EPB41L3: variants seen among roughly 807,000 people sequenced by gnomAD.
EPB41L3 encodes the protein band 4.1-like protein 3.
A neutral mutation model predicts 127.1 loss-of-function variants in EPB41L3; 57 were observed. That is an observed-to-expected ratio of 0.45 (90% CI 0.36 to 0.56). The LOEUF is 0.56. Among genes scored for constraint, EPB41L3 ranks in the 20% least tolerant of loss-of-function variants. EPB41L3 has a pLI of 0.00. For missense variants in EPB41L3, 1,273 were observed against 1,372.2 expected (o/e 0.93, Z 1.14); for synonymous variants, 572 against 549.5 (o/e 1.04, Z -0.57).
intron 3 of EPB41L3, among the ~76,000 whole-genome samples, chr18:5,448,209 T>C (rs1206187260): frequency 2.0e-5 from 3 of 152,218 alleles, no homozygotes; most frequent in Non-Finnish European, 4.4e-5. Flanking sequence ...TCTCTCCCAT[T>C]GCACCCAGAT....
chr18:5,570,598 T>A (rs1333941283), intron 3 of EPB41L3, among the ~76,000 whole-genome samples: 1 of 152,074 alleles, frequency 6.6e-6, no homozygotes, highest in Non-Finnish European at 1.5e-5. Context: ...TTATTTTACT[T>A]TATTTAATTT....
Position 5,489,095 on chromosome 18 carries a change from C to A in EPB41L3, c.89G>T (p.Gly30Val). The change falls in exon 2 of 23, where the codon GGG (glycine) becomes GTG (valine). Residue 30 changes from glycine (G) to valine (V), a missense_variant. Around this residue, in one of 3 missense-constraint regions of EPB41L3, gnomAD observed 182 missense variants for 149.2 expected, o/e 1.22. Coordinates refer to ENST00000341928, the MANE Select transcript of EPB41L3 (RefSeq NM_012307.5). ...CTTGGGCGGCTCCGGCACGGGCGCC[C>A]CCGCGCGCCCCTGCGCCCCCGCCGC... is the stretch of plus-strand genomic sequence containing the variant. ...QEAAGAQGRA[G>V]APVPEPPKEE... The A allele has an allele frequency of 6.3e-7, 1 of 1,593,870 alleles. No homozygotes were observed. The highest frequency in any genetic ancestry group is 8.5e-7 in the Non-Finnish European group (1 of 1,174,064).
rs1430336922 is a variant in EPB41L3, at chr18:5,397,605, C to T, written c.2473-179G>A. Among the ~76,000 whole-genome samples, 1 of 152,164 alleles carries T rather than the reference C, an allele frequency of 6.6e-6. No individual in the cohort carries two copies. The highest frequency in any genetic ancestry group is 2.4e-5 in the African/African-American group (1 of 41,440). On this transcript the variant is annotated intron_variant, in intron 17 of 22. Transcript: ENST00000341928. This position sits in a 1 kb window ranked among gnomAD's most constrained non-coding sequence, Gnocchi z 4.1. ...CCCACTGAAATCTCTGATGCCTGCC[C>T]CTGCCCCTGGTGCATGCACTTGAAC... is the stretch of plus-strand genomic sequence containing the variant.
At chr18:5,469,477 G>A (rs2085680094) in intron 3 of EPB41L3, among the ~76,000 whole-genome samples, 1 of 152,122 alleles carries the variant, frequency 6.6e-6, no homozygotes. Flanking sequence ...CTGGCTGTGT[G>A]TAGTGGCTGG....
At chr18:5,512,478 GAACTC>G (rs2092574102) in intron 1 of EPB41L3, among the ~76,000 whole-genome samples, 1 of 152,152 alleles carries the variant, frequency 6.6e-6, no homozygotes, top group African/African-American at 2.4e-5. Context: ...ACCGCAAAGG[GAACTC>G]ATCAATGCAC....
intron 1 of EPB41L3, chr18:5,528,810 C>G (rs1233360842): frequency 6.6e-6 from 1 of 152,092 alleles, no homozygotes; most frequent in Non-Finnish European, 1.5e-5. Flanking sequence ...GTTGGCCAGG[C>G]TGGTCTTGAA....
chr18:5,472,247 T>A (rs188610614), intron 3 of EPB41L3, among the ~76,000 whole-genome samples: 155 of 152,318 alleles, frequency 1.0e-3, no homozygotes, highest in African/African-American at 3.7e-3. Context: ...ATTGTGTAAA[T>A]GAGACATTGC....
intron 3 of EPB41L3, among the ~76,000 whole-genome samples, chr18:5,448,187 G>T (rs2081797956): frequency 2.0e-5 from 3 of 152,106 alleles, no homozygotes; most frequent in Admixed American, 2.0e-4. Context: ...AACCACTAAT[G>T]GATTGAGGCA....
intron 15 of EPB41L3, 185 bp from the exon 16 acceptor site, chr18:5,407,153 A>G (rs1013639568): frequency 3.3e-6 from 2 of 597,704 alleles, no homozygotes; most frequent in Non-Finnish European, 5.8e-6. Context: ...TGGAAAGGAA[A>G]CAGAAAAAAA....
intron 6 of EPB41L3, among the ~76,000 whole-genome samples, chr18:5,434,578 C>G (rs1027918288): frequency 3.9e-5 from 6 of 152,088 alleles, no homozygotes; most frequent in Non-Finnish European, 7.4e-5. Flanking sequence ...AGATGGTGGT[C>G]CCATGAGATT....
chr18:5,479,237 T>C (rs1183260384), intron 2 of EPB41L3, among the ~76,000 whole-genome samples: 4 of 152,222 alleles, frequency 2.6e-5, no homozygotes, highest in African/African-American at 9.6e-5. Flanking sequence ...ACCTATTAAA[T>C]GGCCACCAAT....
chr18:5,613,708 C>T (rs148248833), intron 2 of EPB41L3, among the ~76,000 whole-genome samples: 2 of 152,168 alleles, frequency 1.3e-5, no homozygotes, highest in African/African-American at 4.8e-5. Flanking sequence ...TGATATCTCA[C>T]CCTCAGTTTC....
chr18:5,478,577 T>A, intron 2 of EPB41L3, 139 bp from the exon 3 acceptor site: 1 of 703,026 alleles, frequency 1.4e-6, no homozygotes, highest in Non-Finnish European at 2.3e-6. Context: ...GATATAAATA[T>A]ACAGATATTT....
In EPB41L3 at chr18:5,407,692, A is replaced by T. The variant is rs752152351; in HGVS notation, c.2157+9T>A. ...GTTGTTGTTGTTTGTTTTATTTTTA[A>T]TTTTCTACCTGTGCCTTGAGCTCTG... On this transcript the variant is annotated intron_variant, in intron 15 of 22. Transcript: ENST00000341928. 1.2e-6 allele frequency: 2 copies of T among 1,613,592 alleles called. No individual in the cohort carries two copies. Among genetic ancestry groups the T allele is most frequent in the Non-Finnish European group, 1.7e-6 (2 of 1,179,780 alleles).
intron 1 of EPB41L3, among the ~76,000 whole-genome samples, chr18:5,490,824 T>C (rs1189545212): frequency 6.6e-6 from 1 of 152,162 alleles, no homozygotes; most frequent in African/African-American, 2.4e-5. Flanking sequence ...TCAAACTCCA[T>C]CTTTTGGAAG....
Position 5,394,777 on chromosome 18 carries a change from A to C in EPB41L3, c.3170T>G (p.Ile1057Ser). The C allele has an allele frequency of 1.9e-6, 3 of 1,614,126 alleles. No homozygotes were observed. Among genetic ancestry groups the C allele is most frequent in the Non-Finnish European group, 2.5e-6 (3 of 1,180,024 alleles). Residue 1057 changes from isoleucine (I) to serine (S), a missense_variant, in exon 22 of 23, where the codon ATT (isoleucine) becomes AGT (serine). Physicochemically the swap from Ile to Ser is moderately radical, Grantham distance 142. Coordinates refer to ENST00000341928, the MANE Select transcript of EPB41L3 (RefSeq NM_012307.5). The stretch of plus-strand genomic sequence containing the variant: ...AGGGTGCTGCTCTTTGGCCTCTTTA[A>C]TTGCCTGAGCCAGCGCCTATCCCCG... The part of the protein sequence containing the change: ...IDHDQALAQA[I>S]KEAKEQHPDM...
At chr18:5,513,542 T>C (rs1250966795) in intron 1 of EPB41L3, among the ~76,000 whole-genome samples, 1 of 152,140 alleles carries the variant, frequency 6.6e-6, no homozygotes, top group Non-Finnish European at 1.5e-5. Context: ...AGAGACACAG[T>C]AAAACCTAGA....
chr18:5,518,497 C>G (rs541452462), intron 1 of EPB41L3: 2 of 152,332 alleles, frequency 1.3e-5, no homozygotes, highest in South Asian at 4.2e-4. Context: ...GTGCTGTATT[C>G]ACGTCTTGAT....
chr18:5,441,462 ATTTTT>A (rs201943060), intron 5 of EPB41L3, among the ~76,000 whole-genome samples: 78,083 of 139,628 alleles, frequency 0.56, 21,961 homozygotes, highest in Admixed American at 0.66. Flanking sequence ...TCGAATTCCA[ATTTTT>A]TTTTTTTTTT....
Sources: allele counts gnomAD v4.1 joint callset (sites outside exome capture counted in the v4.1 genomes callset), GRCh38; gene constraint gnomAD v4.1.1; regional missense constraint gnomAD v4.1.1; non-coding constraint Gnocchi (gnomAD v3.1); transcripts MANE v1.5; gene names NCBI Gene and HGNC (gene_info 2026-07-23, HGNC 2026-07-21).